TMEM108: variants seen among roughly 807,000 people sequenced by gnomAD.
TMEM108 encodes the protein cancer/testis antigen 124.
A neutral mutation model predicts 35.1 loss-of-function variants in TMEM108; 12 were observed. The observed-to-expected ratio is 0.34, with a 90% CI of 0.22 to 0.55. The LOEUF (loss-of-function observed/expected upper bound fraction) is 0.55. TMEM108 is among the 20% of genes least tolerant of loss of function. The pLI is 0.89. For missense variants in TMEM108, 680 were observed against 753.3 expected (o/e 0.90, Z 1.14); for synonymous variants, 287 against 308.6 (o/e 0.93, Z 0.73).
intron 3 of TMEM108, among the ~76,000 whole-genome samples, chr3:133,286,387 A>C (rs1363584845): frequency 3.3e-5 from 5 of 152,110 alleles, no homozygotes; most frequent in African/African-American, 9.7e-5. Flanking sequence ...AGGCTGGTGT[A>C]GAGTGGTGTC....
At chr3:133,373,805 A>G (rs2072751485) in intron 3 of TMEM108, among the ~76,000 whole-genome samples, 1 of 152,234 alleles carries the variant, frequency 6.6e-6, no homozygotes, top group Non-Finnish European at 1.5e-5. Flanking sequence ...CCTATTGATA[A>G]TAGAAACCAA....
chr3:133,146,616 C>A (rs1313870436), intron 2 of TMEM108, among the ~76,000 whole-genome samples: 1 of 152,076 alleles, frequency 6.6e-6, no homozygotes, highest in East Asian at 1.9e-4. Context: ...AGTTGGTAGG[C>A]TATTAATTAC....
At chr3:133,285,017 CT>C (rs1367595038) in intron 3 of TMEM108, among the ~76,000 whole-genome samples, 1 of 151,220 alleles carries the variant, frequency 6.6e-6, no homozygotes, top group Non-Finnish European at 1.5e-5. Context: ...TTTATAATTT[CT>C]TTTTTCAAGT....
chr3:133,150,719 T>C (rs1347868661), intron 2 of TMEM108, among the ~76,000 whole-genome samples: 2 of 152,156 alleles, frequency 1.3e-5, no homozygotes, highest in Non-Finnish European at 2.9e-5. Flanking sequence ...AAAATATCTA[T>C]AGAAGTTTCT....
chr3:133,147,983 A>T (rs942502189), intron 2 of TMEM108, among the ~76,000 whole-genome samples: 14 of 152,216 alleles, frequency 9.2e-5, no homozygotes, highest in Non-Finnish European at 1.6e-4. Flanking sequence ...ATGGTGCTGG[A>T]TTAAAGTTAG....
chr3:133,040,521 G>C (rs1943262850), intron 1 of TMEM108, among the ~76,000 whole-genome samples: 1 of 151,736 alleles, frequency 6.6e-6, no homozygotes, highest in African/African-American at 2.4e-5. Flanking sequence ...TTTTTTTTAA[G>C]TGGCATGGAG....
chr3:133,139,197 G>A (rs1412471244), intron 2 of TMEM108, among the ~76,000 whole-genome samples: 1 of 152,126 alleles, frequency 6.6e-6, no homozygotes, highest in Non-Finnish European at 1.5e-5. Flanking sequence ...AGTCTTTGCT[G>A]TTGTGAATAG....
chr3:133,050,856 A>G (rs540445712), intron 2 of TMEM108, among the ~76,000 whole-genome samples: 1 of 152,134 alleles, frequency 6.6e-6, no homozygotes, highest in East Asian at 1.9e-4. Context: ...TCCTTTTAGC[A>G]CTGAATAATA....
At chr3:133,091,516 G>C (rs1457380395) in intron 2 of TMEM108, among the ~76,000 whole-genome samples, 1 of 152,190 alleles carries the variant, frequency 6.6e-6, no homozygotes, top group Non-Finnish European at 1.5e-5. Context: ...GGTTTAGTAA[G>C]CTGCTAAGGA....
Position 133,380,682 on chromosome 3 carries a change from A to G in TMEM108, c.971A>G (p.Asp324Gly), listed in dbSNP as rs149263998. Residue 324 changes from aspartate (D) to glycine (G), a missense_variant, in exon 4 of 6, where the codon GAC (aspartate) becomes GGC (glycine). This residue lies in a region of TMEM108 where 526 missense variants were observed against 532.1 expected (regional missense o/e 0.99). Transcript: ENST00000321871. The surrounding 1 kb of genome is among the most constrained non-coding windows in gnomAD (Gnocchi z 5.3). ...PVPSQRPHHGDPQDGPSHSDS... is the reference protein window; with the variant it reads ...PVPSQRPHHGGPQDGPSHSDS... ...CCTTCTCAGCGCCCCCACCACGGTG[A>G]CCCACAGGATGGCCCCAGCCATAGT... The G allele has an allele frequency of 1.5e-5, 24 of 1,613,978 alleles. No individual in the cohort carries two copies. The African/African-American group carries it at 2.9e-4, about 20-fold the overall frequency.
At chr3:133,107,496 G>GTA (rs1225086995) in intron 2 of TMEM108, among the ~76,000 whole-genome samples, 1 of 139,968 alleles carries the variant, frequency 7.1e-6, no homozygotes, top group African/African-American at 2.6e-5. Context: ...GTGTGTGTGT[G>GTA]TATAAAATGA....
chr3:133,391,463 C>T (rs1462679524), intron 5 of TMEM108, among the ~76,000 whole-genome samples: 1 of 152,174 alleles, frequency 6.6e-6, no homozygotes, highest in East Asian at 1.9e-4. Flanking sequence ...ACTGTGGTCA[C>T]ATCGCTCACA....
At chr3:133,385,249 G>A (rs576806248) in intron 4 of TMEM108, among the ~76,000 whole-genome samples, 51 of 152,290 alleles carry the variant, frequency 3.3e-4, no homozygotes, top group African/African-American at 9.6e-4. Context: ...TGGAGCTTAC[G>A]GATCAAACAG....
intron 2 of TMEM108, among the ~76,000 whole-genome samples, chr3:133,207,118 G>T (rs950638938): frequency 6.6e-6 from 1 of 152,102 alleles, no homozygotes; most frequent in Non-Finnish European, 1.5e-5. Flanking sequence ...GGAAAAACCC[G>T]CCTACTCAAG....
In TMEM108 at chr3:133,175,672, G is replaced by T. The variant is rs538433975; in HGVS notation, c.-46-53594G>T. Reference sequence around the variant, plus strand: ...TGCCCTAAAAGAGCTCCTGAAGGAAGCACTAAACATGGAAAGGAGCAACTG... The same window carrying T: ...TGCCCTAAAAGAGCTCCTGAAGGAATCACTAAACATGGAAAGGAGCAACTG... On this transcript the variant is annotated intron_variant, in intron 2 of 5. Transcript: ENST00000321871. Among the ~76,000 whole-genome samples the T allele has an allele frequency of 5.4e-5, 8 of 148,990 alleles. No individual in the cohort carries two copies. The South Asian group carries it at 1.7e-3, about 32-fold the overall frequency.
intron 2 of TMEM108, among the ~76,000 whole-genome samples, chr3:133,158,826 T>C (rs1179980142): frequency 1.3e-5 from 2 of 152,212 alleles, no homozygotes; most frequent in Non-Finnish European, 2.9e-5. Flanking sequence ...AAGTTAAATG[T>C]CCATGGTTAC....
intron 5 of TMEM108, among the ~76,000 whole-genome samples, chr3:133,395,448 A>T (rs1276099897): frequency 1.4e-4 from 21 of 152,188 alleles, no homozygotes; most frequent in Non-Finnish European, 7.3e-5. Context: ...TGTGAGAAAG[A>T]GGCAGGAAGT....
intron 2 of TMEM108, among the ~76,000 whole-genome samples, chr3:133,189,754 C>A (rs73860851): frequency 0.031 from 4,673 of 152,138 alleles, 245 homozygotes; most frequent in African/African-American, 0.11. Flanking sequence ...ATTAAGGAAC[C>A]ATTTAGACAC....
chr3:133,041,198 G>T (rs1943271462), intron 1 of TMEM108, among the ~76,000 whole-genome samples: 3 of 152,330 alleles, frequency 2.0e-5, no homozygotes, highest in African/African-American at 7.2e-5. Context: ...TGGCTAGCCT[G>T]GCTGGCTTTA....
Sources: allele counts gnomAD v4.1 joint callset (sites outside exome capture counted in the v4.1 genomes callset), GRCh38; gene constraint gnomAD v4.1.1; regional missense constraint gnomAD v4.1.1; non-coding constraint Gnocchi (gnomAD v3.1); transcripts MANE v1.5; gene names NCBI Gene and HGNC (gene_info 2026-07-23, HGNC 2026-07-21).